Variants in INHBA observed in about 807,000 individuals in gnomAD.
The protein encoded by INHBA is inhibin subunit beta A.
INHBA carries 1 observed loss-of-function variant against 29.0 expected under a neutral mutation model. The ratio of observed to expected loss-of-function variants is 0.03; its 90% confidence interval spans 0.01 to 0.16. INHBA has a LOEUF of 0.16. Ranked by LOEUF, INHBA falls within the 10% of genes least tolerant of loss-of-function variation. INHBA has a pLI of 1.00. For synonymous variants in INHBA, 242 were observed against 216.8 expected (o/e 1.12, Z -1.02); for missense variants, 376 against 545.4 (o/e 0.69, Z 3.09).
chr7:41,689,525 T>A lies in INHBA; in HGVS notation c.*125A>T. 1.2e-6 allele frequency: 1 copy of A among 808,302 alleles called. No homozygotes were observed. The highest frequency in any genetic ancestry group is 3.2e-5 in the East Asian group (1 of 31,316). The allele number at this position is 808,302 out of a possible 1,614,324, so 50.1% of individuals were successfully genotyped here. ...TTAATTTACTTTTGTTTTTTTTTGTTTTTTTTTTTGTTTTGTTTTTAATTT... is the reference window on the plus strand; with the variant it reads ...TTAATTTACTTTTGTTTTTTTTTGTATTTTTTTTTGTTTTGTTTTTAATTT... On this transcript the variant is annotated 3_prime_UTR_variant, in exon 3 of 3. Coordinates refer to ENST00000242208, the MANE Select transcript of INHBA (RefSeq NM_002192.4).
In INHBA at chr7:41,703,057, C is replaced by T. The variant is rs919822029; in HGVS notation, c.-196G>A. 3 of 152,216 alleles carry T rather than the reference C, an allele frequency of 2.0e-5. No homozygotes were observed. Among genetic ancestry groups the T allele is most frequent in the African/African-American group, 7.2e-5 (3 of 41,444 alleles). 9.4% of individuals were successfully genotyped at this position (152,216 alleles called of 1,614,324 possible). A position where few individuals can be genotyped will look rare whatever the true frequency, so the allele number is the denominator to read the frequency against. ...CGGCTCTTGTATCATGTGGTAAGAG[C>T]TGTCTGAGCTCCTCTTCATGGTATT... On this transcript the variant is annotated 5_prime_UTR_variant, in exon 1 of 3. Coordinates refer to ENST00000242208, the MANE Select transcript of INHBA (RefSeq NM_002192.4).
intron 2 of INHBA, among the ~76,000 whole-genome samples, chr7:41,696,986 C>T (rs905930106): frequency 2.6e-5 from 4 of 152,116 alleles, no homozygotes; most frequent in Non-Finnish European, 5.9e-5. Flanking sequence ...AAGCTAATTA[C>T]CAGAACCCAC....
rs562563546 is a variant in INHBA, at chr7:41,686,399, A to G, written c.*3251T>C. 2.5e-4 allele frequency: 38 copies of G among 152,278 alleles called. No homozygotes were observed. Among genetic ancestry groups the G allele is most frequent in the Admixed American group, 2.3e-3 (35 of 15,290 alleles). The allele number at this position is 152,278 out of a possible 1,614,324, so 9.4% of individuals were successfully genotyped here. A position where few individuals can be genotyped will look rare whatever the true frequency, so the allele number is the denominator to read the frequency against. The stretch of plus-strand genomic sequence containing the variant: ...GGAGATAGTAAGGTTAGATAGAGCC[A>G]CTGAGTTTCAAGAAAAAAACATACT... On this transcript the variant is annotated 3_prime_UTR_variant, in exon 3 of 3. Coordinates refer to ENST00000242208, the MANE Select transcript of INHBA (RefSeq NM_002192.4).
At chr7:41,700,773 GAGGGAAAGA>G (rs1336713846) in intron 1 of INHBA, among the ~76,000 whole-genome samples, 2 of 138,718 alleles carry the variant, frequency 1.4e-5, no homozygotes, top group African/African-American at 5.4e-5. Flanking sequence ...AGAGAAGAGA[GAGGGAAAGA>G]AGGGGGAGAG....
At chr7:41,699,066 A>G (rs1364634951) in intron 2 of INHBA, among the ~76,000 whole-genome samples, 1 of 152,232 alleles carries the variant, frequency 6.6e-6, no homozygotes, top group Non-Finnish European at 1.5e-5. Context: ...AACTATAAAA[A>G]TAGCCTGGCT....
chr7:41,701,817 C>G (rs776233556), intron 1 of INHBA, among the ~76,000 whole-genome samples: 1 of 152,158 alleles, frequency 6.6e-6, no homozygotes, highest in Non-Finnish European at 1.5e-5. Flanking sequence ...TTCAGCTTGC[C>G]CCAAGCCTGT....
chr7:41,702,456 TACGGG>T (rs1457773105), intron 1 of INHBA, among the ~76,000 whole-genome samples: 1 of 152,192 alleles, frequency 6.6e-6, no homozygotes, highest in Non-Finnish European at 1.5e-5. Context: ...TCATATTTTT[TACGGG>T]GATGGTGAAA....
chr7:41,690,669 T>C, intron 2 of INHBA, 127 bp from the exon 3 acceptor site: 3 of 1,189,584 alleles, frequency 2.5e-6, no homozygotes, highest in Non-Finnish European at 3.4e-6. Context: ...GGTCAACAAA[T>C]GACAGCCCAT....
At position 41,697,745 on chromosome 7, in the gene INHBA, T is replaced by G. The variant is rs371713695; in HGVS notation, c.388+2242A>C. Reference sequence around the variant, plus strand: ...TTCCAAAAGCAACAAGACATAGGTCTTTTCTATTCATGTTCATATATTTGC... The same window carrying G: ...TTCCAAAAGCAACAAGACATAGGTCGTTTCTATTCATGTTCATATATTTGC... On this transcript the variant is annotated intron_variant, in intron 2 of 2. Coordinates refer to ENST00000242208, the MANE Select transcript of INHBA (RefSeq NM_002192.4). Among the ~76,000 whole-genome samples, 38 of 152,352 alleles carry G rather than the reference T, an allele frequency of 2.5e-4. No homozygotes were observed. The East Asian group carries it at 5.6e-3, about 22-fold the overall frequency.
In INHBA at chr7:41,687,306, A is replaced by C. The variant is rs1455822390; in HGVS notation, c.*2344T>G. The C allele has an allele frequency of 6.6e-6, 1 of 152,236 alleles. No individual in the cohort carries two copies. Among genetic ancestry groups the C allele is most frequent in the East Asian group, 1.9e-4 (1 of 5,202 alleles). The allele number at this position is 152,236 out of a possible 1,614,324, so 9.4% of individuals were successfully genotyped here. Reference sequence around the variant, plus strand: ...TTAATTTATTTTAATCTACAAATTGACATAGGGCTAAAAGCTTCAATATTT... The same window carrying C: ...TTAATTTATTTTAATCTACAAATTGCCATAGGGCTAAAAGCTTCAATATTT... On this transcript the variant is annotated 3_prime_UTR_variant, in exon 3 of 3. Coordinates refer to ENST00000242208, the MANE Select transcript of INHBA (RefSeq NM_002192.4).
At chr7:41,695,638 A>T (rs929139978) in intron 2 of INHBA, among the ~76,000 whole-genome samples, 8 of 152,228 alleles carry the variant, frequency 5.3e-5, no homozygotes, top group African/African-American at 1.9e-4. Context: ...CCCTGGCACA[A>T]ACGTCCATCA....
At chr7:41,692,359 T>G (rs778670892) in intron 2 of INHBA, 9 of 152,186 alleles carry the variant, frequency 5.9e-5, no homozygotes, top group Non-Finnish European at 1.3e-4. Context: ...GCCATACTTA[T>G]CACTCGAGGC....
At position 41,689,004 on chromosome 7, in the gene INHBA, T is replaced by C; in HGVS notation, c.*646A>G. ...CTCAATTTTTTAATGTTGTTTGTTT[T>C]GTTTTGTTGCAAAAGTGGTACAGAA... On this transcript the variant is annotated 3_prime_UTR_variant, in exon 3 of 3. Coordinates refer to ENST00000242208, the MANE Select transcript of INHBA (RefSeq NM_002192.4). The C allele has an allele frequency of 4.3e-6, 1 of 233,262 alleles. No individual in the cohort carries two copies. The highest frequency in any genetic ancestry group is 8.5e-6 in the Non-Finnish European group (1 of 118,010). 14.4% of individuals were successfully genotyped at this position (233,262 alleles called of 1,614,324 possible).
intron 2 of INHBA, chr7:41,691,223 T>G (rs1794518911): frequency 6.6e-6 from 1 of 152,328 alleles, no homozygotes; most frequent in Non-Finnish European, 1.5e-5. Context: ...GAGACACACT[T>G]GAGCCAGCCT....
chr7:41,701,583 C>A lies in INHBA; in HGVS notation c.-143-1066G>T, dbSNP rs989463114. Among the ~76,000 whole-genome samples, 8 of 152,232 alleles carry A rather than the reference C, an allele frequency of 5.3e-5. No homozygotes were observed. The South Asian group carries it at 1.0e-3, about 20-fold the overall frequency. On this transcript the variant is annotated intron_variant, in intron 1 of 2. Transcript: ENST00000242208. ...CCAAGTTCCAGAAGCGCTTTCTCCC[C>A]GTCGCGTTCAGCTGCCCCCTTCTGC...
intron 2 of INHBA, among the ~76,000 whole-genome samples, chr7:41,694,342 T>C (rs1794592916): frequency 6.6e-6 from 1 of 152,192 alleles, no homozygotes; most frequent in South Asian, 2.1e-4. Context: ...GAGATTGCTA[T>C]ACTGCAGTGA....
intron 2 of INHBA, among the ~76,000 whole-genome samples, chr7:41,699,489 G>A (rs1794722409): frequency 6.6e-6 from 1 of 152,056 alleles, no homozygotes; most frequent in Non-Finnish European, 1.5e-5. Flanking sequence ...ACTTTTAAAG[G>A]GGAAGGTTTG....
chr7:41,686,833 A>T lies in INHBA; in HGVS notation c.*2817T>A, dbSNP rs942930486. On this transcript the variant is annotated 3_prime_UTR_variant, in exon 3 of 3. Coordinates refer to ENST00000242208, the MANE Select transcript of INHBA (RefSeq NM_002192.4). Reference sequence around the variant, plus strand: ...ATACATGGGTATCAGCTTTCTTGGTAAATTTCTGCTTTTTCCATGGCCTTG... The same window carrying T: ...ATACATGGGTATCAGCTTTCTTGGTTAATTTCTGCTTTTTCCATGGCCTTG... The T allele has an allele frequency of 2.0e-5, 3 of 152,220 alleles. No homozygotes were observed. Among genetic ancestry groups the T allele is most frequent in the African/African-American group, 7.2e-5 (3 of 41,456 alleles). 9.4% of individuals were successfully genotyped at this position (152,220 alleles called of 1,614,324 possible).
At position 41,700,131 on chromosome 7, in the gene INHBA, C is replaced by T. The variant is rs1446232934; in HGVS notation, c.244G>A (p.Ala82Thr). The T allele has an allele frequency of 6.2e-7, 1 of 1,614,148 alleles. No individual in the cohort carries two copies. Among genetic ancestry groups the T allele is most frequent in the Non-Finnish European group, 8.5e-7 (1 of 1,180,044 alleles). The change falls in exon 2 of 3, where the codon GCG (alanine) becomes ACG (threonine). Residue 82 changes from alanine to threonine, a missense_variant. Physicochemically the swap from Ala to Thr is moderately conservative, Grantham distance 58 (BLOSUM62 0). Transcript: ENST00000242208. ...AGCTTTCTGATCGCGTTCAGAAGCG[C>T]CGCCTTGGGTACCGGCTGGGTGACA... is the stretch of plus-strand genomic sequence containing the variant. Reference protein sequence around the residue: ...PDVTQPVPKAALLNAIRKLHV... With the variant: ...PDVTQPVPKATLLNAIRKLHV...
Sources: gnomAD v4.1 joint callset for allele counts (sites outside exome capture counted in the v4.1 genomes callset) on GRCh38, gnomAD v4.1.1 for gene constraint, MANE v1.5 for transcripts, NCBI Gene and HGNC (gene_info 2026-07-23, HGNC 2026-07-21) for gene names.